Variants in NEGR1 observed in about 807,000 individuals in gnomAD.
NEGR1 encodes the protein neuronal growth regulator 1, also known as IgLON family member 4.
NEGR1 carries 10 observed loss-of-function variants against 40.9 expected under a neutral mutation model. The observed-to-expected ratio is 0.24, with a 90% CI of 0.15 to 0.42. The LOEUF (loss-of-function observed/expected upper bound fraction) is 0.42, where lower values mean the gene tolerates loss of function less well. Among genes scored for constraint, NEGR1 ranks in the 10% least tolerant of loss-of-function variants. The probability of loss-of-function intolerance (pLI) is 1.00; values close to 1 mark genes in which losing one functional copy is unlikely to be tolerated. For missense variants in NEGR1, 352 were observed against 438.9 expected (o/e 0.80, Z 1.77); for synonymous variants, 185 against 166.8 (o/e 1.11, Z -0.84).
chr1:71,747,556 T>C (rs1655428377), intron 3 of NEGR1, among the ~76,000 whole-genome samples: 1 of 151,910 alleles, frequency 6.6e-6, no homozygotes, highest in Admixed American at 6.6e-5. Flanking sequence ...TCTCAAGTAG[T>C]TGGGACTACA....
chr1:72,268,573 A>C lies in NEGR1; in HGVS notation c.176+13746T>G, dbSNP rs187356000. On this transcript the variant is annotated intron_variant, in intron 1 of 6. Transcript: ENST00000357731. The stretch of plus-strand genomic sequence containing the variant: ...GCATACTACAGGGACTCAATGCATA[A>C]ATGCTGAAATTGGGTGAATGAACTC... Among the ~76,000 whole-genome samples the C allele has an allele frequency of 1.6e-4, 25 of 151,604 alleles. No homozygotes were observed. The East Asian group carries it at 4.8e-3, about 29-fold the overall frequency.
rs191189746 is a variant in NEGR1, at chr1:72,240,936, T to A, written c.176+41383A>T. On this transcript the variant is annotated intron_variant, in intron 1 of 6. Coordinates refer to ENST00000357731, the MANE Select transcript of NEGR1 (RefSeq NM_173808.3). Reference sequence around the variant, plus strand: ...TTGTTTCCTAACTTTAAACAGTCTTTAAAAGACACCTGCTTTTCTTCAGTT... The same window carrying A: ...TTGTTTCCTAACTTTAAACAGTCTTAAAAAGACACCTGCTTTTCTTCAGTT... Among the ~76,000 whole-genome samples the A allele has an allele frequency of 2.0e-4, 30 of 151,564 alleles. No individual in the cohort carries two copies. In the East Asian group the frequency reaches 5.6e-3, roughly 28 times the overall value.
chr1:72,206,302 G>T (rs371003131), intron 1 of NEGR1, among the ~76,000 whole-genome samples: 2 of 151,982 alleles, frequency 1.3e-5, no homozygotes, highest in South Asian at 4.2e-4. Flanking sequence ...TGAAAATGTG[G>T]CTTACTGTGA....
chr1:71,712,568 C>T (rs1036712966), intron 3 of NEGR1, among the ~76,000 whole-genome samples: 8 of 151,888 alleles, frequency 5.3e-5, no homozygotes, highest in South Asian at 2.1e-4. Flanking sequence ...ACTTTTCTGG[C>T]GTTTAATTCT....
At chr1:71,810,971 T>C (rs1183453853) in intron 2 of NEGR1, among the ~76,000 whole-genome samples, 1 of 152,160 alleles carries the variant, frequency 6.6e-6, no homozygotes, top group African/African-American at 2.4e-5. Flanking sequence ...TTTATTAAGG[T>C]ATATATTTCT....
intron 2 of NEGR1, among the ~76,000 whole-genome samples, chr1:71,898,970 T>TAC (rs1279897121): frequency 1.3e-4 from 7 of 52,732 alleles, no homozygotes; most frequent in Non-Finnish European, 2.6e-4. Flanking sequence ...ATAGCATATA[T>TAC]ATATATATAG....
At chr1:71,851,590 G>A (rs1009205143) in intron 2 of NEGR1, among the ~76,000 whole-genome samples, 6 of 152,122 alleles carry the variant, frequency 3.9e-5, no homozygotes, top group African/African-American at 1.4e-4. Context: ...ATCTTGTTTA[G>A]TAAAAGAGAT....
chr1:71,575,749 C>CTCCA (rs1648944925), intron 6 of NEGR1, among the ~76,000 whole-genome samples: 3 of 152,188 alleles, frequency 2.0e-5, no homozygotes, highest in African/African-American at 7.2e-5. Context: ...CGCCACTGCA[C>CTCCA]TCCAGCCTGG....
chr1:72,133,107 CTT>C (rs907363076), intron 1 of NEGR1, among the ~76,000 whole-genome samples: 3 of 152,038 alleles, frequency 2.0e-5, no homozygotes, highest in African/African-American at 7.2e-5. Context: ...AGAATAAAGA[CTT>C]ATAACCACTG....
intron 1 of NEGR1, among the ~76,000 whole-genome samples, chr1:72,087,074 G>A (rs1648250265): frequency 6.6e-6 from 1 of 152,060 alleles, no homozygotes; most frequent in Non-Finnish European, 1.5e-5. Context: ...ACATAAACAG[G>A]ATAGATAAAT....
chr1:71,807,907 A>G (rs1330986677), intron 2 of NEGR1, among the ~76,000 whole-genome samples: 6 of 152,060 alleles, frequency 3.9e-5, no homozygotes, highest in Admixed American at 3.3e-4. Context: ...TAAAAAGGAG[A>G]TTTGTCATAT....
chr1:71,674,738 T>C (rs1455625065), intron 4 of NEGR1, among the ~76,000 whole-genome samples: 1 of 152,124 alleles, frequency 6.6e-6, no homozygotes, highest in Non-Finnish European at 1.5e-5. Context: ...ATGTTCTTTC[T>C]ATCACATTCT....
intron 1 of NEGR1, among the ~76,000 whole-genome samples, chr1:71,996,386 A>G (rs1646505018): frequency 6.6e-6 from 1 of 152,070 alleles, no homozygotes; most frequent in Non-Finnish European, 1.5e-5. Flanking sequence ...TCTTCTGCCT[A>G]TTCATTTGTG....
intron 1 of NEGR1, among the ~76,000 whole-genome samples, chr1:72,254,422 G>T (rs74092112): frequency 0.015 from 2,330 of 152,184 alleles, 51 homozygotes; most frequent in African/African-American, 0.052. Context: ...AGCATATTAG[G>T]CCAGGCGTGG....
chr1:71,741,050 T>C (rs540630479), intron 3 of NEGR1, among the ~76,000 whole-genome samples: 165 of 152,282 alleles, frequency 1.1e-3, no homozygotes, highest in Non-Finnish European at 1.9e-3. Context: ...AAAATTTTGA[T>C]TTAGTGATTT....
rs907756153 is a variant in NEGR1, at chr1:72,108,748, C to A, written c.177-173437G>T. On this transcript the variant is annotated intron_variant, in intron 1 of 6. Coordinates refer to ENST00000357731, the MANE Select transcript of NEGR1 (RefSeq NM_173808.3). ...TAGGAATCTGGAGAGGTATTCAAAGCCCCAGAACTGGATGCAAGAAGAACA... is the reference window on the plus strand; with the variant it reads ...TAGGAATCTGGAGAGGTATTCAAAGACCCAGAACTGGATGCAAGAAGAACA... Among the ~76,000 whole-genome samples, 5 of 151,664 alleles carry A rather than the reference C, an allele frequency of 3.3e-5. No individual in the cohort carries two copies. In the South Asian group the frequency reaches 8.3e-4, roughly 25 times the overall value.
chr1:72,011,418 T>C (rs1409402760), intron 1 of NEGR1, among the ~76,000 whole-genome samples: 1 of 152,122 alleles, frequency 6.6e-6, no homozygotes, highest in Non-Finnish European at 1.5e-5. Context: ...AATACTGATG[T>C]ACAGATCAAA....
At chr1:72,103,234 T>G (rs1262001649) in intron 1 of NEGR1, among the ~76,000 whole-genome samples, 1 of 152,116 alleles carries the variant, frequency 6.6e-6, no homozygotes, top group Non-Finnish European at 1.5e-5. Context: ...GTTCCTTATA[T>G]GGTACTATGC....
chr1:71,722,109 G>A (rs1654528434), intron 3 of NEGR1, among the ~76,000 whole-genome samples: 2 of 152,062 alleles, frequency 1.3e-5, no homozygotes, highest in South Asian at 4.1e-4. Flanking sequence ...ATCTGGTTGT[G>A]CTTTTAGAAG....
Sources: allele counts gnomAD v4.1 joint callset (sites outside exome capture counted in the v4.1 genomes callset), GRCh38; gene constraint gnomAD v4.1.1; transcripts MANE v1.5; gene names NCBI Gene and HGNC (gene_info 2026-07-23, HGNC 2026-07-21).